Variants in CEP290 observed in about 807,000 individuals in gnomAD.
CEP290 encodes the protein centrosomal protein of 290 kDa.
A neutral mutation model predicts 344.9 loss-of-function variants in CEP290; 317 were observed. The observed-to-expected ratio is 0.92, with a 90% confidence interval of 0.84 to 1.01. The LOEUF (loss-of-function observed/expected upper bound fraction) is 1.01. Ranked by LOEUF, CEP290 falls within the 50% of genes least tolerant of loss-of-function variation. The probability of loss-of-function intolerance (pLI) is 0.00; values close to 1 mark genes in which losing one functional copy is unlikely to be tolerated. For missense variants in CEP290, 2,754 were observed against 2,761.4 expected, an observed-to-expected ratio of 1.00 and a Z score of 0.06; for synonymous variants, 932 against 895.8, an observed-to-expected ratio of 1.04 and a Z score of -0.72.
At chr12:88,064,748 T>G (rs766890564) in intron 44 of CEP290, among the ~76,000 whole-genome samples, 20 of 152,208 alleles carry the variant, frequency 1.3e-4, no homozygotes, top group Admixed American at 2.6e-4. Context: ...CCTCTGATTG[T>G]GCAGAGGAAA....
chr12:88,097,955 G>A (rs1025254471), intron 26 of CEP290, among the ~76,000 whole-genome samples: 2 of 151,996 alleles, frequency 1.3e-5, no homozygotes, highest in South Asian at 2.1e-4. Flanking sequence ...GCAGGATTTC[G>A]CCAGAGTGTG....
In CEP290 at chr12:88,054,335, T is replaced by C; in HGVS notation, c.7034+5A>G. ...ACAAAGTAGTCATATGAATACATGA[T>C]GTACCTAAGAACTTGAAGCTCCCGT... On this transcript the variant is annotated splice_donor_5th_base_variant and intron_variant, in intron 51 of 53. Coordinates refer to ENST00000552810, the MANE Select transcript of CEP290 (RefSeq NM_025114.4). The C allele has an allele frequency of 6.3e-7, 1 of 1,584,460 alleles. No homozygotes were observed.
In CEP290 at chr12:88,055,586, A is replaced by G. The variant is rs747164585; in HGVS notation, c.6950T>C (p.Leu2317Pro). The change falls in exon 50 of 54, where the codon CTT (leucine) becomes CCT (proline). Residue 2317 changes from leucine (L) to proline (P), a missense_variant. Transcript: ENST00000552810. The stretch of plus-strand genomic sequence containing the variant: ...AATTACGTTACTTACCTGTTGTTCA[A>G]GGTCTTCATTGTATTTGTTAACTTT... ...EQKVNKYNED[L>P]EQQIKILKHV... is the part of the protein sequence containing the mutation. 8.2e-6 allele frequency: 13 copies of G among 1,576,844 alleles called. No homozygotes were observed. The South Asian group carries it at 1.5e-4, about 19-fold the overall frequency.
chr12:88,141,435 G>A, intron 1 of CEP290, 101 bp from the exon 2 acceptor site: 1 of 550,246 alleles, frequency 1.8e-6, no homozygotes, highest in South Asian at 3.7e-5. Context: ...ATAACTTTCT[G>A]ATGTTAGCAA....
At chr12:88,128,221 G>C (rs2039850618) in intron 11 of CEP290, among the ~76,000 whole-genome samples, 1 of 152,100 alleles carries the variant, frequency 6.6e-6, no homozygotes. Flanking sequence ...AGACATGACT[G>C]ATTCTATAGG....
chr12:88,064,533 A>C (rs775195811), intron 44 of CEP290, among the ~76,000 whole-genome samples: 1 of 152,142 alleles, frequency 6.6e-6, no homozygotes, highest in Non-Finnish European at 1.5e-5. Context: ...ATGTGACTTT[A>C]TTTGGAGACT....
chr12:88,115,830 T>C, intron 18 of CEP290: 1 of 984,426 alleles, frequency 1.0e-6, no homozygotes, highest in Non-Finnish European at 1.2e-6. Flanking sequence ...AGAATTTATC[T>C]GAGATAATTT....
At chr12:88,111,391 C>T (rs2038678807) in intron 21 of CEP290, 40 bp from the exon 22 acceptor site, 3 of 1,536,354 alleles carry the variant, frequency 2.0e-6, no homozygotes, top group Admixed American at 4.3e-5. Flanking sequence ...ACAACTCTTA[C>T]ACCCAAAGAA....
At position 88,080,353 on chromosome 12, in the gene CEP290, C is replaced by T. The variant is rs73192874; in HGVS notation, c.5055G>A (p.Ala1685=). 2.5e-4 allele frequency: 398 copies of T among 1,613,246 alleles called. No homozygotes were observed. Among genetic ancestry groups the T allele is most frequent in the Non-Finnish European group, 3.2e-4 (372 of 1,179,582 alleles). The change falls in exon 38 of 54, where the codon GCG becomes GCA. Residue 1685 remains alanine, a synonymous_variant. Coordinates refer to ENST00000552810, the MANE Select transcript of CEP290 (RefSeq NM_025114.4). ...GAAGATACTTTAAATCCTCTACTTC[C>T]GCTTTTACTTTTTTCACTTCATCTT... ...NHEDEVKKVK[A]EVEDLKYLLD... is the part of the protein sequence containing the mutation.
At chr12:88,139,874 G>A (rs2138274200) in intron 3 of CEP290, among the ~76,000 whole-genome samples, 1 of 152,196 alleles carries the variant, frequency 6.6e-6, no homozygotes, top group African/African-American at 2.4e-5. Flanking sequence ...GACTACAGGT[G>A]CATGCCATCA....
At chr12:88,063,196 G>A (rs556382423) in intron 45 of CEP290, among the ~76,000 whole-genome samples, 1 of 147,300 alleles carries the variant, frequency 6.8e-6, no homozygotes, top group East Asian at 2.0e-4. Context: ...AGTGCCCTGA[G>A]TAAATAAATA....
chr12:88,139,394 AAT>A (rs1397864353), intron 4 of CEP290, 99 bp downstream of exon 4: 3 of 638,648 alleles, frequency 4.7e-6, no homozygotes, highest in Admixed American at 3.9e-5. Flanking sequence ...AAATAAACTG[AAT>A]ATATATATTT....
At chr12:88,134,081 T>C (rs905653408) in intron 6 of CEP290, among the ~76,000 whole-genome samples, 4 of 152,126 alleles carry the variant, frequency 2.6e-5, no homozygotes, top group Non-Finnish European at 5.9e-5. Flanking sequence ...CTGTACAGGG[T>C]CTCTTGTGAA....
At chr12:88,141,712 A>G (rs1009910701) in intron 1 of CEP290, among the ~76,000 whole-genome samples, 188 bp downstream of exon 1, 1 of 151,892 alleles carries the variant, frequency 6.6e-6, no homozygotes, top group Non-Finnish European at 1.5e-5. Flanking sequence ...ATTGGGGCTG[A>G]AAAAAAACGC....
At chr12:88,051,162 G>A (rs1045311406) in intron 52 of CEP290, among the ~76,000 whole-genome samples, 7 of 150,978 alleles carry the variant, frequency 4.6e-5, no homozygotes, top group Non-Finnish European at 1.0e-4. Flanking sequence ...AAAGTAAGGG[G>A]CAGCAAACAT....
At chr12:88,072,025 A>AT in intron 41 of CEP290, 99 bp from the exon 42 acceptor site, 1 of 1,099,732 alleles carries the variant, frequency 9.1e-7, no homozygotes, top group East Asian at 2.8e-5. Context: ...TTGTAAACTA[A>AT]TATTTCCTAG....
In CEP290 at chr12:88,050,452, A is replaced by AAATT. The variant is rs1378091766; in HGVS notation, c.7130-23_7130-20dup. ...TCAGCATCTGTTGAAAAAGTCATAC[A>AAATT]AATTAGACTCAGCTTTTTCCCACTA... On this transcript the variant is annotated intron_variant, in intron 52 of 53. Transcript: ENST00000552810. 1 of 1,265,714 alleles carries AAATT rather than the reference A, an allele frequency of 7.9e-7. No homozygotes were observed. The highest frequency in any genetic ancestry group is 1.3e-5 in the South Asian group (1 of 76,388). The allele number at this position is 1,265,714 out of a possible 1,614,324, so 78.4% of individuals were successfully genotyped here.
rs1158771975 is a variant in CEP290, at chr12:88,094,683, A to C, written c.3104-708T>G. ...TTAGTCATTTTTTGAGGGGGGGGGAAGAAAACATACTTTTGCTTTGTAAAC... is the reference window on the plus strand; with the variant it reads ...TTAGTCATTTTTTGAGGGGGGGGGACGAAAACATACTTTTGCTTTGTAAAC... On this transcript the variant is annotated intron_variant, in intron 27 of 53. Coordinates refer to ENST00000552810, the MANE Select transcript of CEP290 (RefSeq NM_025114.4). Among the ~76,000 whole-genome samples the C allele has an allele frequency of 6.2e-4, 93 of 150,396 alleles. 1 individual carries two copies. Among genetic ancestry groups the C allele is most frequent in the Non-Finnish European group, 3.0e-5 (2 of 67,458 alleles).
In CEP290 at chr12:88,096,947, T is replaced by A. The variant is rs2037475346; in HGVS notation, c.3044A>T (p.Glu1015Val). The A allele has an allele frequency of 6.3e-7, 1 of 1,581,092 alleles. No individual in the cohort carries two copies. The highest frequency in any genetic ancestry group is 1.3e-5 in the African/African-American group (1 of 74,520). The change falls in exon 27 of 54, where the codon GAG (glutamate) becomes GTG (valine). Residue 1015 changes from glutamate (E) to valine (V), a missense_variant. Transcript: ENST00000552810. ...AGTGTGAAGTTTTTCCTTGGTAATC[T>A]CCAGTTCTTTATTTATAGACTCCAC... ...EQVESINKELEITKEKLHTIE... is the reference protein window; with the variant it reads ...EQVESINKELVITKEKLHTIE...
Sources: allele counts gnomAD v4.1 joint callset (sites outside exome capture counted in the v4.1 genomes callset), GRCh38; gene constraint gnomAD v4.1.1; transcripts MANE v1.5; gene names NCBI Gene and HGNC (gene_info 2026-07-23, HGNC 2026-07-21).